Variants in SOD2 observed in about 807,000 individuals in gnomAD.
SOD2 encodes superoxide dismutase 2, also known as superoxide dismutase [Mn], mitochondrial.
SOD2 carries 11 observed loss-of-function variants against 27.0 expected under a neutral mutation model. That is an observed-to-expected ratio of 0.41 (90% CI 0.26 to 0.67). The LOEUF (loss-of-function observed/expected upper bound fraction) is 0.67, where lower values mean the gene tolerates loss of function less well. Among genes scored for constraint, SOD2 ranks in the 30% least tolerant of loss-of-function variants. The pLI is 0.34. For synonymous variants in SOD2, 105 were observed against 103.0 expected, an observed-to-expected ratio of 1.02 and a Z score of -0.12; for missense variants, 250 against 274.5, an observed-to-expected ratio of 0.91 and a Z score of 0.63.
chr6:159,686,173 T>C (rs1436107306), intron 3 of SOD2, among the ~76,000 whole-genome samples: 1 of 152,206 alleles, frequency 6.6e-6, no homozygotes, highest in African/African-American at 2.4e-5. Flanking sequence ...ATCTCACTTC[T>C]CTTATTCTAC....
chr6:159,710,807 GCCTCCACA>G (rs1777725283), intron 1 of SOD2, among the ~76,000 whole-genome samples: 1 of 136,366 alleles, frequency 7.3e-6, no homozygotes, highest in African/African-American at 2.8e-5. Context: ...CTCCATAACC[GCCTCCACA>G]ACCACCACTC....
chr6:159,714,086 T>C, intron 1 of SOD2: 1 of 591,592 alleles, frequency 1.7e-6, no homozygotes. Context: ...TATAGCAAGA[T>C]GACAAGCAGA....
intron 1 of SOD2, among the ~76,000 whole-genome samples, chr6:159,759,540 C>T (rs1780080684): frequency 6.6e-6 from 1 of 151,636 alleles, no homozygotes; most frequent in South Asian, 2.1e-4. Flanking sequence ...CATGATGGCA[C>T]GGGCCTGTAA....
rs529426739 is a variant in SOD2 at position 159,676,445 on chromosome 6, T to A, written c.*6048A>T. ...AAAAAGGAAGAGTTCATGTCCTTTA[T>A]AGGGACATGGATGAAGCTGGAAACC... On this transcript the variant is annotated 3_prime_UTR_variant, in exon 5 of 5. Transcript: ENST00000538183. The A allele has an allele frequency of 5.9e-5, 9 of 152,236 alleles. No individual in the cohort carries two copies. The highest frequency in any genetic ancestry group is 2.2e-4 in the African/African-American group (9 of 41,546). 9.4% of individuals were successfully genotyped at this position (152,236 alleles called of 1,614,324 possible).
At chr6:159,738,259 C>A in intron 1 of SOD2, among the ~76,000 whole-genome samples, 1 of 152,220 alleles carries the variant, frequency 6.6e-6, no homozygotes, top group East Asian at 1.9e-4. Context: ...CCATGCCTGA[C>A]CCCTGGCAAC....
chr6:159,752,522 C>T (rs1437243953), intron 1 of SOD2, among the ~76,000 whole-genome samples: 3 of 152,118 alleles, frequency 2.0e-5, no homozygotes, highest in Non-Finnish European at 4.4e-5. Flanking sequence ...GTTGCACTAG[C>T]ATTTGGAAAC....
Position 159,672,424 on chromosome 6 carries a change from T to TG in SOD2, c.*10068dup, listed in dbSNP as rs1216444741. On this transcript the variant is annotated 3_prime_UTR_variant, in exon 5 of 5. Coordinates refer to ENST00000538183, the MANE Select transcript of SOD2 (RefSeq NM_000636.4). ...AGAAACTCTACAAGCCAGAAGAGAG[T>TG]GGGGGTCAATATTCAACGTTCTTGA... 1 of 151,806 alleles carries TG rather than the reference T, an allele frequency of 6.6e-6. No homozygotes were observed. The highest frequency in any genetic ancestry group is 1.5e-5 in the Non-Finnish European group (1 of 67,950). The allele number at this position is 151,806 out of a possible 1,614,324, so 9.4% of individuals were successfully genotyped here. A position where few individuals can be genotyped will look rare whatever the true frequency, so the allele number is the denominator to read the frequency against.
exon 1 of SOD2, chr6:159,762,238 G>C (rs1780154350): frequency 7.0e-7 from 1 of 1,431,998 alleles, no homozygotes; most frequent in Admixed American, 2.5e-5. Flanking sequence ...GGCGTATGTG[G>C]AGGAAGCCGG....
At chr6:159,750,352 T>A (rs937520988) in intron 1 of SOD2, among the ~76,000 whole-genome samples, 1 of 152,176 alleles carries the variant, frequency 6.6e-6, no homozygotes, top group African/African-American at 2.4e-5. Flanking sequence ...AGTTCTATGG[T>A]TTTTTTCTTG....
chr6:159,697,194 C>G (rs1777438183), upstream of SOD2, among the ~76,000 whole-genome samples: 1 of 152,112 alleles, frequency 6.6e-6, no homozygotes, highest in African/African-American at 2.4e-5. Flanking sequence ...GGCATTATTT[C>G]CACATGCTTT....
At chr6:159,742,028 C>T in intron 1 of SOD2, 3 of 1,173,070 alleles carry the variant, frequency 2.6e-6, no homozygotes, top group Non-Finnish European at 3.7e-6. Context: ...TAGATATCTT[C>T]TAGTTTATTT....
chr6:159,700,955 A>G (rs895249045), intron 1 of SOD2, among the ~76,000 whole-genome samples: 2 of 151,446 alleles, frequency 1.3e-5, no homozygotes, highest in African/African-American at 4.9e-5. Context: ...CTCGGCTTTT[A>G]GACTGAACTC....
At chr6:159,686,756 C>T (rs1780204755) in intron 3 of SOD2, among the ~76,000 whole-genome samples, 1 of 152,212 alleles carries the variant, frequency 6.6e-6, no homozygotes, top group South Asian at 2.1e-4. Context: ...ATTTCAAGTG[C>T]ATAAGATAGG....
chr6:159,727,004 C>A, intron 1 of SOD2: 1 of 1,262,922 alleles, frequency 7.9e-7, no homozygotes, highest in South Asian at 1.3e-5. Context: ...CCAGATCCCT[C>A]CGCACGAGGC....
chr6:159,693,203 T>C lies in SOD2; in HGVS notation c.-36A>G, dbSNP rs764622842. On this transcript the variant is annotated 5_prime_UTR_variant, in exon 1 of 5. Transcript: ENST00000538183. ...CTGGTGCTACCGCTGATGCCGCCGATCTGCTGAAGCCGCTGCCGAAGCCAC... is the reference window on the plus strand; with the variant it reads ...CTGGTGCTACCGCTGATGCCGCCGACCTGCTGAAGCCGCTGCCGAAGCCAC... 5 of 1,515,726 alleles carry C rather than the reference T, an allele frequency of 3.3e-6. No individual in the cohort carries two copies. Among genetic ancestry groups the C allele is most frequent in the Admixed American group, 2.1e-5 (1 of 47,918 alleles). The allele number at this position is 1,515,726 out of a possible 1,614,324, so 93.9% of individuals were successfully genotyped here.
At chr6:159,755,408 A>C in intron 1 of SOD2, 2 of 1,614,188 alleles carry the variant, frequency 1.2e-6, no homozygotes, top group African/African-American at 1.3e-5. Flanking sequence ...TGGTTACGTA[A>C]ATCAACTCAG....
chr6:159,740,229 A>AT (rs1055587725), intron 1 of SOD2, among the ~76,000 whole-genome samples: 29 of 151,676 alleles, frequency 1.9e-4, no homozygotes, highest in Admixed American at 1.7e-3. Flanking sequence ...CTGTGCAGTC[A>AT]TTTTTTTGAT....
intron 3 of SOD2, among the ~76,000 whole-genome samples, chr6:159,685,488 C>T (rs974205076): frequency 6.6e-5 from 10 of 152,078 alleles, no homozygotes; most frequent in African/African-American, 1.9e-4. Flanking sequence ...GTGATCCACC[C>T]GCCTTGGCCT....
chr6:159,748,481 C>CA (rs940152324), upstream of SOD2: 41 of 1,494,888 alleles, frequency 2.7e-5, no homozygotes, highest in East Asian at 2.7e-4. The surrounding 1 kb of genome is among the most constrained non-coding windows in gnomAD (Gnocchi z 5.6). Flanking sequence ...CTTTTTGAGC[C>CA]AAAAAAAAGC....
Sources: allele counts gnomAD v4.1 joint callset (sites outside exome capture counted in the v4.1 genomes callset), GRCh38; gene constraint gnomAD v4.1.1; non-coding constraint Gnocchi (gnomAD v3.1); transcripts MANE v1.5; gene names NCBI Gene and HGNC (gene_info 2026-07-23, HGNC 2026-07-21).